SOX5: variants seen among roughly 807,000 people sequenced by gnomAD.
SOX5 encodes the protein SRY-box transcription factor 5, also known as transcription factor SOX-5.
SOX5 carries 9 observed loss-of-function variants against 92.0 expected under a neutral mutation model. The ratio of observed to expected loss-of-function variants is 0.10; its 90% CI spans 0.06 to 0.17. The LOEUF (loss-of-function observed/expected upper bound fraction) is 0.17, where lower values mean the gene tolerates loss of function less well. Among genes scored for constraint, SOX5 ranks in the 10% least tolerant of loss-of-function variants. The pLI is 1.00. For missense variants in SOX5, 642 were observed against 944.5 expected, an observed-to-expected ratio of 0.68 and a Z score of 4.20; for synonymous variants, 344 against 336.3, an observed-to-expected ratio of 1.02 and a Z score of -0.25.
chr12:24,508,889 C>T (rs1949047277), intron 1 of SOX5, among the ~76,000 whole-genome samples: 1 of 152,026 alleles, frequency 6.6e-6, no homozygotes, highest in Non-Finnish European at 1.5e-5. Context: ...ACCATGCAGC[C>T]ACAGAAACAG....
At chr12:24,290,817 C>A (rs190696666) in intron 2 of SOX5, among the ~76,000 whole-genome samples, 1 of 152,256 alleles carries the variant, frequency 6.6e-6, no homozygotes, top group East Asian at 1.9e-4. Context: ...TCTCCAGGAG[C>A]CACCAATAGC....
intron 3 of SOX5, among the ~76,000 whole-genome samples, chr12:24,262,610 C>T (rs1321269567): frequency 2.0e-5 from 3 of 152,188 alleles, no homozygotes; most frequent in African/African-American, 7.2e-5. Context: ...CTAATATGGA[C>T]AGCTTCTTGA....
At position 23,836,302 on chromosome 12, in the gene SOX5, T is replaced by C. The variant is rs967869155; in HGVS notation, c.481+9681A>G. On this transcript the variant is annotated intron_variant, in intron 3 of 14. Coordinates refer to ENST00000451604, the MANE Select transcript of SOX5 (RefSeq NM_006940.6). ...GATATTTAAAACCATGAATAGACCA[T>C]GCACTTTAGCATCCCATTCAGTTAG... 1.1e-4 allele frequency among the ~76,000 whole-genome samples: 16 copies of C among 152,046 alleles called. 3 individuals carry two copies. The highest frequency in any genetic ancestry group is 2.6e-4 in the Admixed American group (4 of 15,232).
intron 1 of SOX5, among the ~76,000 whole-genome samples, chr12:24,443,232 C>T (rs751923089): frequency 2.6e-5 from 4 of 152,144 alleles, no homozygotes; most frequent in African/African-American, 7.2e-5. Context: ...GGATCACAGG[C>T]GTGAGCCACC....
chr12:24,434,968 C>A lies in SOX5; in HGVS notation c.-250-66329G>T, dbSNP rs192747497. ...GCAGAGCTATAGTTTTGCTTGCATC[C>A]TTTCTCTCCCACTGTCTCACGTAAA... On this transcript the variant is annotated intron_variant, in intron 1 of 4. Coordinates refer to the SOX5 transcript ENST00000446891. 1.2e-4 allele frequency among the ~76,000 whole-genome samples: 18 copies of A among 152,332 alleles called. No homozygotes were observed. In the East Asian group the frequency reaches 3.5e-3, roughly 29 times the overall value.
At chr12:24,236,171 C>T (rs1354048281) in intron 3 of SOX5, among the ~76,000 whole-genome samples, 1 of 151,922 alleles carries the variant, frequency 6.6e-6, no homozygotes, top group Admixed American at 6.6e-5. Flanking sequence ...GCACTCCAGC[C>T]TGGGCAACAC....
intron 11 of SOX5, among the ~76,000 whole-genome samples, chr12:23,551,398 A>AT (rs896522769): frequency 2.6e-5 from 4 of 151,834 alleles, no homozygotes; most frequent in Admixed American, 6.6e-5. Context: ...TAATATCTCA[A>AT]TTTTTTTAGA....
At chr12:24,189,610 T>A (rs980706181) in intron 4 of SOX5, among the ~76,000 whole-genome samples, 1 of 152,200 alleles carries the variant, frequency 6.6e-6, no homozygotes, top group Non-Finnish European at 1.5e-5. Context: ...GAGATCTTTG[T>A]ATCTGGGGGA....
At chr12:23,770,522 A>ATCTC (rs1413603316) in intron 3 of SOX5, among the ~76,000 whole-genome samples, 2 of 149,574 alleles carry the variant, frequency 1.3e-5, no homozygotes, top group African/African-American at 4.9e-5. Flanking sequence ...TATTTTAAAA[A>ATCTC]TCTCAGAAAA....
chr12:24,459,948 T>C (rs969855061), intron 1 of SOX5, among the ~76,000 whole-genome samples: 7 of 152,192 alleles, frequency 4.6e-5, no homozygotes, highest in African/African-American at 1.2e-4. Flanking sequence ...AAATTGAGTA[T>C]GTATAGAGTG....
At chr12:23,606,044 A>G (rs984453235) in intron 8 of SOX5, among the ~76,000 whole-genome samples, 1 of 152,064 alleles carries the variant, frequency 6.6e-6, no homozygotes, top group Non-Finnish European at 1.5e-5. Context: ...TCAAAAAGGA[A>G]GACTTGAGAG....
At chr12:24,216,192 A>G (rs1415651528) in intron 3 of SOX5, among the ~76,000 whole-genome samples, 2 of 152,180 alleles carry the variant, frequency 1.3e-5, no homozygotes, top group African/African-American at 4.8e-5. Context: ...TCAAAAGAAT[A>G]AAAAATCCCG....
chr12:24,142,315 C>A (rs918451449), intron 4 of SOX5, among the ~76,000 whole-genome samples: 3 of 151,996 alleles, frequency 2.0e-5, no homozygotes, highest in African/African-American at 4.8e-5. Flanking sequence ...CAATGAACAC[C>A]CAAGGCATGG....
chr12:23,912,823 G>T (rs2097366143), intron 1 of SOX5, among the ~76,000 whole-genome samples: 2 of 152,076 alleles, frequency 1.3e-5, no homozygotes, highest in Non-Finnish European at 2.9e-5. Flanking sequence ...GGTTGTCTAG[G>T]GTAGGGTATG....
At chr12:23,936,193 A>G (rs951217462) in intron 1 of SOX5, among the ~76,000 whole-genome samples, 1 of 150,974 alleles carries the variant, frequency 6.6e-6, no homozygotes, top group African/African-American at 2.4e-5. Context: ...CTTGTGGGTC[A>G]ATTTAAGAAA....
intron 4 of SOX5, among the ~76,000 whole-genome samples, chr12:24,158,076 A>C (rs1036288212): frequency 1.3e-5 from 2 of 152,100 alleles, no homozygotes; most frequent in African/African-American, 4.8e-5. Context: ...ATTTCTACCA[A>C]GGTCAGTTTC....
At chr12:24,016,090 C>T (rs764835848) in intron 4 of SOX5, among the ~76,000 whole-genome samples, 2 of 152,162 alleles carry the variant, frequency 1.3e-5, no homozygotes, top group Non-Finnish European at 2.9e-5. Context: ...AGCACCTATG[C>T]TGATTTCGGG....
intron 2 of SOX5, among the ~76,000 whole-genome samples, chr12:24,346,113 A>G (rs1953200232): frequency 6.6e-6 from 1 of 152,224 alleles, no homozygotes; most frequent in Admixed American, 6.5e-5. Flanking sequence ...TCAAAGTCAA[A>G]CTTCCAATCT....
intron 4 of SOX5, among the ~76,000 whole-genome samples, chr12:24,063,225 C>T (rs1940070516): frequency 1.3e-5 from 2 of 152,180 alleles, no homozygotes. Context: ...GTGGTAATTA[C>T]ATATAGTTTG....
Sources: allele counts gnomAD v4.1 joint callset (sites outside exome capture counted in the v4.1 genomes callset), GRCh38; gene constraint gnomAD v4.1.1; transcripts MANE v1.5; gene names NCBI Gene and HGNC (gene_info 2026-07-23, HGNC 2026-07-21).